Variants in TMPO observed in about 807,000 individuals in gnomAD.
The protein encoded by TMPO is LEM domain containing 4.
Under a neutral mutation model 45.4 loss-of-function variants are expected in TMPO, and 22 were observed. That is an observed-to-expected ratio of 0.48 (90% CI 0.35 to 0.69). The LOEUF (loss-of-function observed/expected upper bound fraction) is 0.69. Among genes scored for constraint, TMPO ranks in the 30% least tolerant of loss-of-function variants. TMPO has a pLI of 0.01. For missense variants in TMPO, 512 were observed against 548.8 expected (o/e 0.93, Z 0.67); for synonymous variants, 241 against 204.1 (o/e 1.18, Z -1.54).
At chr12:98,537,593 A>C in intron 4 of TMPO, 21 bp downstream of exon 4, 1 of 1,565,952 alleles carries the variant, frequency 6.4e-7, no homozygotes, top group Non-Finnish European at 8.8e-7. Context: ...TTTTATTACC[A>C]CCGTGTACAG....
chr12:98,534,046 A>G (rs767603638), intron 3 of TMPO: 5 of 1,608,646 alleles, frequency 3.1e-6, no homozygotes, highest in African/African-American at 1.3e-5. Context: ...GCAGGCAGAC[A>G]TTAGTCAAGC....
chr12:98,547,339 T>C (rs1878285713), intron 8 of TMPO, among the ~76,000 whole-genome samples: 1 of 152,178 alleles, frequency 6.6e-6, no homozygotes, highest in African/African-American at 2.4e-5. Flanking sequence ...CCTCCCAAAG[T>C]GCTGGGATTG....
intron 3 of TMPO, chr12:98,534,481 A>T: frequency 6.7e-7 from 1 of 1,497,914 alleles, no homozygotes; most frequent in Non-Finnish European, 8.8e-7. Flanking sequence ...ATTACAGTAT[A>T]AAAGTAATTG....
At chr12:98,521,955 T>A (rs1471001090) in intron 1 of TMPO, among the ~76,000 whole-genome samples, 1 of 152,070 alleles carries the variant, frequency 6.6e-6, no homozygotes, top group African/African-American at 2.4e-5. Flanking sequence ...CTCAAACTCC[T>A]TCCTGACTTT....
At position 98,546,548 on chromosome 12, in the gene TMPO, C is replaced by CT. The variant is rs1255568896; in HGVS notation, c.1079+102dup. On this transcript the variant is annotated intron_variant, in intron 8 of 8. Coordinates refer to ENST00000556029, the MANE Select transcript of TMPO (RefSeq NM_001032283.3). ...TACTGTACTTCTGCTCAGAATTAAG[C>CT]TGTTTTTTTGGAGCCAGGTACAATG... 8.7e-5 allele frequency: 88 copies of CT among 1,014,528 alleles called. 1 individual carries two copies. Among genetic ancestry groups the CT allele is most frequent in the Non-Finnish European group, 1.4e-4 (88 of 644,538 alleles). The allele number at this position is 1,014,528 out of a possible 1,614,324, so 62.8% of individuals were successfully genotyped here. A position where few individuals can be genotyped will look rare whatever the true frequency, so the allele number is the denominator to read the frequency against.
Position 98,531,749 on chromosome 12 carries a change from C to T in TMPO, c.476C>T (p.Ser159Phe), listed in dbSNP as rs183244086. The change falls in exon 3 of 9, where the codon TCT becomes TTT. Residue 159 changes from serine (S) to phenylalanine (F), a missense_variant. Transcript: ENST00000556029. Reference protein sequence around the residue: ...LREQGTESRSSTPLPTISSSA... With the variant: ...LREQGTESRSFTPLPTISSSA... ...GAACAAGGAACAGAATCAAGATCTT[C>T]TACTCCTCTGCCAACAATTTCTTCT... 6.2e-7 allele frequency: 1 copy of T among 1,613,796 alleles called. No individual in the cohort carries two copies. The highest frequency in any genetic ancestry group is 8.5e-7 in the Non-Finnish European group (1 of 1,179,920).
intron 8 of TMPO, among the ~76,000 whole-genome samples, chr12:98,546,883 C>T (rs1318495627): frequency 6.6e-6 from 1 of 152,032 alleles, no homozygotes; most frequent in Admixed American, 6.6e-5. Context: ...AGTTTTTCCC[C>T]CCTAAGTTTC....
chr12:98,519,834 A>G (rs929954131), intron 1 of TMPO, among the ~76,000 whole-genome samples: 3 of 152,172 alleles, frequency 2.0e-5, no homozygotes, highest in Non-Finnish European at 4.4e-5. Context: ...GAAATTTATA[A>G]TAATTTATGT....
In TMPO at chr12:98,534,008, C is replaced by G. The variant is rs777048063; in HGVS notation, c.565+2170C>G. Reference sequence around the variant, plus strand: ...GCAGCATCAGCATTGCAGATTGCAACTCACACTGCCTTTGTAGCTAAGGCT... The same window carrying G: ...GCAGCATCAGCATTGCAGATTGCAAGTCACACTGCCTTTGTAGCTAAGGCT... On this transcript the variant is annotated intron_variant, in intron 3 of 8. Coordinates refer to ENST00000556029, the MANE Select transcript of TMPO (RefSeq NM_001032283.3). 2.5e-6 allele frequency: 4 copies of G among 1,607,446 alleles called. No individual in the cohort carries two copies. The South Asian group carries it at 4.4e-5, about 18-fold the overall frequency.
At position 98,549,215 on chromosome 12, in the gene TMPO, A is replaced by G. The variant is rs1004904313; in HGVS notation, c.*1357A>G. The stretch of plus-strand genomic sequence containing the variant: ...ATACTCTTAAGAGGTGGGCATTATG[A>G]TTATTTTTTATTTTTTTATTTTTTA... On this transcript the variant is annotated 3_prime_UTR_variant, in exon 9 of 9. Coordinates refer to ENST00000556029, the MANE Select transcript of TMPO (RefSeq NM_001032283.3). 1.3e-5 allele frequency: 2 copies of G among 152,098 alleles called. No individual in the cohort carries two copies. The highest frequency in any genetic ancestry group is 2.9e-5 in the Non-Finnish European group (2 of 68,006). The allele number at this position is 152,098 out of a possible 1,614,324, so 9.4% of individuals were successfully genotyped here.
intron 1 of TMPO, among the ~76,000 whole-genome samples, chr12:98,520,550 C>T (rs1266997214): frequency 7.9e-5 from 12 of 152,084 alleles, no homozygotes; most frequent in East Asian, 1.9e-4. Flanking sequence ...CGTGATCCAC[C>T]TGCCTCGGCC....
intron 1 of TMPO, among the ~76,000 whole-genome samples, chr12:98,523,391 T>G (rs1876523901): frequency 1.3e-5 from 2 of 152,038 alleles, no homozygotes; most frequent in Admixed American, 6.6e-5. Context: ...CTGTCTCTTC[T>G]AAAAATACAA....
rs531114808 is a variant in TMPO, at chr12:98,522,009, C to T, written c.279+5863C>T. Among the ~76,000 whole-genome samples the T allele has an allele frequency of 2.5e-4, 38 of 152,120 alleles. 1 individual carries two copies. In the South Asian group the frequency reaches 5.0e-3, roughly 20 times the overall value. On this transcript the variant is annotated intron_variant, in intron 1 of 8. Transcript: ENST00000556029. ...CCTCCTAAAGTACTGGGATTACAGG[C>T]GTGAGCCACCACGCCTGTCTGTGTG...
In TMPO at chr12:98,547,762, G is replaced by T; in HGVS notation, c.1269G>T (p.Val423=). 6.2e-7 allele frequency: 1 copy of T among 1,614,104 alleles called. No individual in the cohort carries two copies. The highest frequency in any genetic ancestry group is 8.5e-7 in the Non-Finnish European group (1 of 1,180,010). The change falls in exon 9 of 9, where the codon GTG becomes GTT. Residue 423 remains valine (V), a synonymous_variant. Coordinates refer to ENST00000556029, the MANE Select transcript of TMPO (RefSeq NM_001032283.3). ...VWIKILLFVV[V]AVFLFLVYQA... ...TAAAAATTTTGCTGTTTGTTGTTGT[G>T]GCAGTTTTTTTGTTTTTGGTCTATC... is the stretch of plus-strand genomic sequence containing the variant.
chr12:98,516,526 C>G (rs1454609986), intron 1 of TMPO: 2 of 1,045,566 alleles, frequency 1.9e-6, no homozygotes, highest in African/African-American at 1.7e-5. Flanking sequence ...AGGTTAAGTT[C>G]GAGCGTTTTC....
intron 1 of TMPO, among the ~76,000 whole-genome samples, chr12:98,525,677 G>A (rs565036043): frequency 4.0e-5 from 6 of 150,696 alleles, no homozygotes; most frequent in Non-Finnish European, 8.8e-5. Flanking sequence ...GGATGCAGAG[G>A]TTGCAGTGAG....
At position 98,534,119 on chromosome 12, in the gene TMPO, C is replaced by T. The variant is rs1877412433; in HGVS notation, c.565+2281C>T. The T allele has an allele frequency of 1.2e-6, 2 of 1,613,744 alleles. No individual in the cohort carries two copies. Among genetic ancestry groups the T allele is most frequent in the Non-Finnish European group, 1.7e-6 (2 of 1,179,800 alleles). On this transcript the variant is annotated intron_variant, in intron 3 of 8. Transcript: ENST00000556029. The stretch of plus-strand genomic sequence containing the variant: ...CAAGCGCTTGGGATTCTGAGCAAAA[C>T]ATATGATGCAGCCTCATATATTTGT...
chr12:98,533,917 C>T lies in TMPO; in HGVS notation c.565+2079C>T, dbSNP rs144269053. On this transcript the variant is annotated intron_variant, in intron 3 of 8. Coordinates refer to ENST00000556029, the MANE Select transcript of TMPO (RefSeq NM_001032283.3). ...TGAAGCCACTCCACTAGGAGGTATT[C>T]AAGCAGCCTCCACTGAGTCTTGCAA... 13 of 1,614,016 alleles carry T rather than the reference C, an allele frequency of 8.1e-6. No individual in the cohort carries two copies. Among genetic ancestry groups the T allele is most frequent in the Non-Finnish European group, 1.1e-5 (13 of 1,180,008 alleles).
At chr12:98,517,008 T>A (rs1415193893) in intron 1 of TMPO, among the ~76,000 whole-genome samples, 3 of 152,120 alleles carry the variant, frequency 2.0e-5, no homozygotes, top group Non-Finnish European at 2.9e-5. Flanking sequence ...ACGGGGTTTC[T>A]CCAAGTTGGT....
Sources: gnomAD v4.1 joint callset for allele counts (sites outside exome capture counted in the v4.1 genomes callset) on GRCh38, gnomAD v4.1.1 for gene constraint, MANE v1.5 for transcripts, NCBI Gene and HGNC (gene_info 2026-07-23, HGNC 2026-07-21) for gene names.